MID1: variants seen among roughly 807,000 people sequenced by gnomAD.
The protein encoded by MID1 is E3 ubiquitin-protein ligase Midline-1.
MID1 carries 7 observed loss-of-function variants against 40.4 expected under a neutral mutation model. The ratio of observed to expected loss-of-function variants is 0.17; its 90% confidence interval spans 0.10 to 0.33. The LOEUF (loss-of-function observed/expected upper bound fraction) is 0.33. Ranked by LOEUF, MID1 falls within the 10% of genes least tolerant of loss-of-function variation. The pLI is 1.00. For synonymous variants in MID1, 229 were observed against 221.2 expected (o/e 1.04, Z -0.31); for missense variants, 367 against 558.5 (o/e 0.66, Z 3.46).
chrX:10,739,621 A>C (rs1462837502), intron 1 of MID1, among the ~76,000 whole-genome samples: 1 of 112,182 alleles, frequency 8.9e-6, no homozygotes, highest in Non-Finnish European at 1.9e-5. Context: ...GGAATGATTC[A>C]ATCATCTCTT....
At chrX:10,750,459 C>T (rs1352526626) in intron 1 of MID1, among the ~76,000 whole-genome samples, 3 of 108,120 alleles carry the variant, frequency 2.8e-5, no homozygotes, top group African/African-American at 6.7e-5. Flanking sequence ...TGGTGAAACC[C>T]GTCTCTACTA....
At chrX:10,717,720 C>T (rs1419117555) in intron 1 of MID1, among the ~76,000 whole-genome samples, 1 of 109,638 alleles carries the variant, frequency 9.1e-6, no homozygotes, top group African/African-American at 3.4e-5. Context: ...CAGAACTCTC[C>T]ACCCCAAATC....
chrX:10,805,826 G>A (rs1223960407), intron 1 of MID1, among the ~76,000 whole-genome samples: 2,850 of 107,128 alleles, frequency 0.027, 110 homozygotes, highest in African/African-American at 0.093. Flanking sequence ...GGCCAGTGAT[G>A]GTGAGCATTT....
intron 1 of MID1, among the ~76,000 whole-genome samples, chrX:10,627,881 C>CAAAAAAAAAAA (rs74531983): frequency 8.9e-6 from 1 of 111,736 alleles, no homozygotes; most frequent in Non-Finnish European, 1.9e-5. Context: ...TCCTTGCTTA[C>CAAAAAAAAAAA]AAAAAGTCAA....
intron 1 of MID1, among the ~76,000 whole-genome samples, chrX:10,783,737 T>A (rs2043861659): frequency 9.0e-6 from 1 of 110,749 alleles, no homozygotes; most frequent in African/African-American, 3.2e-5. Context: ...TGTCACAGGA[T>A]CAAAATACAT....
intron 7 of MID1, chrX:10,460,010 A>G (rs748610675): frequency 2.2e-6 from 1 of 463,816 alleles, no homozygotes; most frequent in African/African-American, 2.4e-5. Flanking sequence ...CCTGCCCTGT[A>G]TATCCAGGCC....
chrX:10,755,324 T>C (rs1322870136), intron 1 of MID1, among the ~76,000 whole-genome samples: 1 of 111,656 alleles, frequency 9.0e-6, no homozygotes, highest in African/African-American at 3.3e-5. Context: ...ACATTTTCAT[T>C]TTCCCGTATA....
chrX:10,460,908 T>C (rs771519358), intron 7 of MID1, among the ~76,000 whole-genome samples: 9 of 111,010 alleles, frequency 8.1e-5, no homozygotes, highest in Admixed American at 4.8e-4. Context: ...AATATATGCA[T>C]AGAATTTCAA....
intron 1 of MID1, among the ~76,000 whole-genome samples, chrX:10,789,022 CA>C (rs1225329678): frequency 9.5e-6 from 1 of 105,217 alleles, no homozygotes; most frequent in Admixed American, 9.8e-5. Flanking sequence ...AAAGCAAACA[CA>C]AAACAAATAA....
At chrX:10,650,142 A>C (rs1936301770) in intron 1 of MID1, among the ~76,000 whole-genome samples, 1 of 111,656 alleles carries the variant, frequency 9.0e-6, no homozygotes. Flanking sequence ...GAAAGTTTTG[A>C]AAAGTACTGT....
intron 1 of MID1, among the ~76,000 whole-genome samples, chrX:10,646,553 G>A (rs750393934): frequency 1.3e-4 from 14 of 111,153 alleles, no homozygotes; most frequent in South Asian, 3.8e-4. Flanking sequence ...GGAAATTTTC[G>A]CCTCCATTTC....
At chrX:10,770,684 G>A (rs1342798657) in intron 1 of MID1, among the ~76,000 whole-genome samples, 1 of 112,160 alleles carries the variant, frequency 8.9e-6, no homozygotes, top group Non-Finnish European at 1.9e-5. Flanking sequence ...CCTCATATTC[G>A]TGTTCCTTAT....
intron 1 of MID1, among the ~76,000 whole-genome samples, chrX:10,832,582 A>T (rs2044259823): frequency 8.9e-6 from 1 of 112,131 alleles, no homozygotes; most frequent in Non-Finnish European, 1.9e-5. Flanking sequence ...AAATCATTCA[A>T]CACAATTATC....
chrX:10,532,771 GTT>G (rs55826454), intron 2 of MID1, among the ~76,000 whole-genome samples: 4 of 101,706 alleles, frequency 3.9e-5, no homozygotes, highest in Non-Finnish European at 6.1e-5. Context: ...GCTAAGAATG[GTT>G]TTTTTTTTTT....
At chrX:10,590,987 C>T (rs1156300063) in intron 1 of MID1, among the ~76,000 whole-genome samples, 2 of 111,131 alleles carry the variant, frequency 1.8e-5, no homozygotes, top group Non-Finnish European at 3.8e-5. Flanking sequence ...TGAGTTTCAT[C>T]CTGTACATTT....
intron 1 of MID1, among the ~76,000 whole-genome samples, chrX:10,759,298 C>G (rs950793134): frequency 1.8e-5 from 2 of 111,815 alleles, no homozygotes; most frequent in African/African-American, 6.5e-5. Context: ...GCTGGCGACG[C>G]AGGGCTGAGG....
intron 1 of MID1, among the ~76,000 whole-genome samples, chrX:10,702,455 C>A (rs1343841420): frequency 8.9e-6 from 1 of 112,306 alleles, no homozygotes; most frequent in Non-Finnish European, 1.9e-5. Context: ...TTTTATTATA[C>A]AAACTGAAGA....
At chrX:10,621,653 T>C (rs1330012472), upstream of MID1, among the ~76,000 whole-genome samples, 1 of 110,307 alleles carries the variant, frequency 9.1e-6, no homozygotes, top group Non-Finnish European at 1.9e-5. Flanking sequence ...GTCAGCTGCA[T>C]GGGTTCAATA....
intron 1 of MID1, among the ~76,000 whole-genome samples, chrX:10,722,734 G>A: frequency 8.9e-6 from 1 of 112,076 alleles, no homozygotes; most frequent in Admixed American, 9.5e-5. Context: ...GCCAAATCAT[G>A]TCCTGAAATT....
Sources: allele counts gnomAD v4.1 joint callset (sites outside exome capture counted in the v4.1 genomes callset), GRCh38; gene constraint gnomAD v4.1.1; transcripts MANE v1.5; gene names NCBI Gene and HGNC (gene_info 2026-07-23, HGNC 2026-07-21).